Variants in TSPAN5 observed in about 807,000 individuals in gnomAD.
TSPAN5 encodes tetraspanin-5.
TSPAN5 carries 10 observed loss-of-function variants against 37.1 expected under a neutral mutation model. The ratio of observed to expected loss-of-function variants is 0.27; its 90% CI spans 0.17 to 0.46. The LOEUF is 0.46. Among genes scored for constraint, TSPAN5 ranks in the 20% least tolerant of loss-of-function variants. TSPAN5 has a pLI of 1.00. For missense variants in TSPAN5, 195 were observed against 326.6 expected, an observed-to-expected ratio of 0.60 and a Z score of 3.11; for synonymous variants, 110 against 118.9, an observed-to-expected ratio of 0.93 and a Z score of 0.48.
At chr4:98,520,652 T>G (rs559844328) in intron 1 of TSPAN5, among the ~76,000 whole-genome samples, 8 of 152,264 alleles carry the variant, frequency 5.3e-5, no homozygotes, top group African/African-American at 1.9e-4. Context: ...TGTAAATGGG[T>G]AATAACACCT....
chr4:98,509,847 T>C (rs1444617362), intron 1 of TSPAN5: 2 of 152,112 alleles, frequency 1.3e-5, no homozygotes, highest in Admixed American at 1.3e-4. Context: ...GTGTACAGGC[T>C]CCCATGAGAC....
At chr4:98,601,269 G>A (rs1362001637) in intron 1 of TSPAN5, among the ~76,000 whole-genome samples, 1 of 152,186 alleles carries the variant, frequency 6.6e-6, no homozygotes, top group Non-Finnish European at 1.5e-5. Context: ...GAGTCAGCCT[G>A]TCATTTGAAG....
chr4:98,523,829 C>G (rs768474788), intron 1 of TSPAN5, among the ~76,000 whole-genome samples: 3 of 152,156 alleles, frequency 2.0e-5, no homozygotes, highest in Non-Finnish European at 2.9e-5. Context: ...AGTGACACAG[C>G]CAAATGAGCC....
At chr4:98,481,871 A>T in intron 4 of TSPAN5, 134 bp downstream of exon 4, 1 of 796,584 alleles carries the variant, frequency 1.3e-6, no homozygotes, top group Non-Finnish European at 2.0e-6. Context: ...AAAATAATAA[A>T]CAAACAAACA....
At chr4:98,611,564 C>T (rs1335627741) in intron 1 of TSPAN5, among the ~76,000 whole-genome samples, 2 of 152,120 alleles carry the variant, frequency 1.3e-5, no homozygotes, top group African/African-American at 4.8e-5. Flanking sequence ...AGATGCTTAC[C>T]AACATGAACT....
intron 1 of TSPAN5, among the ~76,000 whole-genome samples, chr4:98,567,732 A>G (rs1755037138): frequency 6.6e-6 from 1 of 151,926 alleles, no homozygotes; most frequent in Non-Finnish European, 1.5e-5. Flanking sequence ...GGGGCCTGGA[A>G]AGGCAGGGAG....
chr4:98,527,110 C>A (rs1014451145), intron 1 of TSPAN5, among the ~76,000 whole-genome samples: 1 of 152,142 alleles, frequency 6.6e-6, no homozygotes, highest in African/African-American at 2.4e-5. Flanking sequence ...ATTGTAACCA[C>A]CACTCTTTGA....
intron 4 of TSPAN5, 36 bp downstream of exon 4, chr4:98,481,969 A>C (rs767822449): frequency 3.7e-6 from 6 of 1,607,144 alleles, no homozygotes; most frequent in Non-Finnish European, 5.1e-6. Context: ...TCGTTCAGAG[A>C]ACTTTCAACT....
intron 1 of TSPAN5, among the ~76,000 whole-genome samples, chr4:98,636,025 TA>T (rs1156720377): frequency 6.6e-6 from 1 of 152,238 alleles, no homozygotes; most frequent in Non-Finnish European, 1.5e-5. Context: ...AGCCCTGAGC[TA>T]AGTGCTTTGT....
chr4:98,561,521 T>A (rs1190777080), intron 1 of TSPAN5, among the ~76,000 whole-genome samples: 1 of 152,176 alleles, frequency 6.6e-6, no homozygotes, highest in African/African-American at 2.4e-5. Context: ...AGTAGGTCAA[T>A]AAGTAATTGA....
At chr4:98,570,699 A>G (rs1755098998) in intron 1 of TSPAN5, among the ~76,000 whole-genome samples, 4 of 152,072 alleles carry the variant, frequency 2.6e-5, no homozygotes. Context: ...AGAGAGATGG[A>G]CTCAAGAAAG....
At chr4:98,595,425 C>G (rs896446581) in intron 1 of TSPAN5, among the ~76,000 whole-genome samples, 2 of 114,306 alleles carry the variant, frequency 1.7e-5, no homozygotes, top group East Asian at 2.6e-4. Flanking sequence ...TTTTTTGTGT[C>G]TCTATTTCCT....
intron 1 of TSPAN5, among the ~76,000 whole-genome samples, chr4:98,536,494 G>A (rs1259497938): frequency 6.6e-6 from 1 of 152,230 alleles, no homozygotes; most frequent in Admixed American, 6.5e-5. Flanking sequence ...CACTTGAGGA[G>A]GCAGGCTGAC....
intron 2 of TSPAN5, among the ~76,000 whole-genome samples, chr4:98,487,706 C>A (rs751045743): frequency 3.9e-5 from 6 of 152,096 alleles, no homozygotes; most frequent in Admixed American, 6.5e-5. Context: ...TTTCTTACCC[C>A]CTTCGAGTTG....
At chr4:98,525,122 T>C (rs1334542550) in intron 1 of TSPAN5, among the ~76,000 whole-genome samples, 1 of 152,190 alleles carries the variant, frequency 6.6e-6, no homozygotes, top group African/African-American at 2.4e-5. Flanking sequence ...TTAAATGAGG[T>C]TGACCCTTGA....
At chr4:98,595,611 G>A (rs1396698960) in intron 1 of TSPAN5, among the ~76,000 whole-genome samples, 8 of 133,208 alleles carry the variant, frequency 6.0e-5, no homozygotes, top group Middle Eastern at 3.5e-3. Flanking sequence ...CTTTGAATGC[G>A]TCCCAGAGAT....
intron 1 of TSPAN5, among the ~76,000 whole-genome samples, chr4:98,625,594 G>C (rs375872290): frequency 6.6e-6 from 1 of 152,140 alleles, no homozygotes; most frequent in African/African-American, 2.4e-5. Context: ...TGAACCTCTG[G>C]TGCAATGAAA....
rs564747773 is a variant in TSPAN5 at position 98,491,348 on chromosome 4, G to T, written c.133-4464C>A. Among the ~76,000 whole-genome samples, 41 of 152,262 alleles carry T rather than the reference G, an allele frequency of 2.7e-4. No individual in the cohort carries two copies. In the South Asian group the frequency reaches 8.3e-3, roughly 31 times the overall value. ...GGGAAAATTAGGGATTACTTACCTA[G>T]CAGGAGAAAAAAAACAGACTTATTC... On this transcript the variant is annotated intron_variant, in intron 2 of 7. Coordinates refer to ENST00000305798, the MANE Select transcript of TSPAN5 (RefSeq NM_005723.4).
Position 98,604,316 on chromosome 4 carries a change from G to A in TSPAN5, c.81+53830C>T, listed in dbSNP as rs114036190. Among the ~76,000 whole-genome samples, 898 of 152,212 alleles carry A rather than the reference G, an allele frequency of 5.9e-3. 3 individuals are homozygous for A. Among genetic ancestry groups the A allele is most frequent in the Non-Finnish European group, 9.0e-3 (613 of 67,994 alleles). ...GGGGTGGTTATTTTAGTCAATTCCC[G>A]GGCTTTGTGAAGACTTCTTTCCACA... On this transcript the variant is annotated intron_variant, in intron 1 of 7. Transcript: ENST00000305798.
Sources: allele counts gnomAD v4.1 joint callset (sites outside exome capture counted in the v4.1 genomes callset), GRCh38; gene constraint gnomAD v4.1.1; transcripts MANE v1.5; gene names NCBI Gene and HGNC (gene_info 2026-07-23, HGNC 2026-07-21).